TRIM60: variants seen among roughly 807,000 people sequenced by gnomAD.
TRIM60 encodes tripartite motif containing 60.
For synonymous variants in TRIM60, 189 were observed against 195.2 expected (o/e 0.97, Z 0.27); for missense variants, 524 against 540.8 (o/e 0.97, Z 0.31).
At position 165,041,525 on chromosome 4, in the gene TRIM60, TA is replaced by T. The variant is rs751866324; in HGVS notation, c.*39del. ...ATGGGTCTGTTTCAGTTTTTGTAGG[TA>T]ACTTAGCCAGTAAATTTAATCTCAT... On this transcript the variant is annotated 3_prime_UTR_variant, in exon 3 of 3. Coordinates refer to ENST00000512596, the MANE Select transcript of TRIM60 (RefSeq NM_152620.3). 13 of 1,373,930 alleles carry T rather than the reference TA, an allele frequency of 9.5e-6. No homozygotes were observed. The highest frequency in any genetic ancestry group is 1.3e-5 in the Non-Finnish European group (13 of 1,017,998). 85.1% of individuals were successfully genotyped at this position (1,373,930 alleles called of 1,614,324 possible). A position where few individuals can be genotyped will look rare whatever the true frequency, so the allele number is the denominator to read the frequency against.
chr4:165,036,886 A>G (rs551708130), intron 1 of TRIM60, among the ~76,000 whole-genome samples: 1 of 139,988 alleles, frequency 7.1e-6, no homozygotes, highest in African/African-American at 3.2e-5. Flanking sequence ...TGTCTCAAAA[A>G]AAAAAAAAAA....
rs771013356 is a variant in TRIM60, at chr4:165,040,993, ACTT to A, written c.925_927del (p.Leu309del). The stretch of plus-strand genomic sequence containing the variant: ...TAGATCTCAACACAGCACATCCTCA[ACTT>A]CTTGTCTCTGAGGATAGAAAAGCTG... On this transcript the variant is annotated inframe_deletion, in exon 3 of 3. Coordinates refer to ENST00000512596, the MANE Select transcript of TRIM60 (RefSeq NM_152620.3). 4 of 1,613,952 alleles carry A rather than the reference ACTT, an allele frequency of 2.5e-6. No homozygotes were observed. The African/African-American group carries it at 5.3e-5, about 22-fold the overall frequency.
chr4:165,038,687 CA>C (rs1467394248), intron 1 of TRIM60, among the ~76,000 whole-genome samples: 1 of 148,444 alleles, frequency 6.7e-6, no homozygotes, highest in Non-Finnish European at 1.5e-5. Context: ...GCACTGTTGT[CA>C]TTTGTGCTGT....
chr4:165,036,914 G>A (rs1733635344), intron 1 of TRIM60, among the ~76,000 whole-genome samples: 1 of 147,654 alleles, frequency 6.8e-6, no homozygotes, highest in South Asian at 2.1e-4. Context: ...GAAAAAAAAA[G>A]ACTGGGCACA....
chr4:165,036,890 A>G (rs1173370571), intron 1 of TRIM60, among the ~76,000 whole-genome samples: 1 of 140,246 alleles, frequency 7.1e-6, no homozygotes, highest in Non-Finnish European at 1.5e-5. Flanking sequence ...TCAAAAAAAA[A>G]AAAAAAGAAA....
At chr4:165,040,008 C>T (rs1733714655) in intron 2 of TRIM60, 61 bp from the exon 3 acceptor site, 2 of 1,383,040 alleles carry the variant, frequency 1.4e-6, no homozygotes, top group Non-Finnish European at 2.0e-6. Flanking sequence ...ACTGGGTTTG[C>T]GCTCTACGGA....
intron 1 of TRIM60, among the ~76,000 whole-genome samples, chr4:165,034,505 C>A (rs1476453128): frequency 6.6e-6 from 1 of 152,138 alleles, no homozygotes; most frequent in Non-Finnish European, 1.5e-5. Context: ...TTAAAAAATT[C>A]CAGTCATATT....
At position 165,041,592 on chromosome 4, in the gene TRIM60, AT is replaced by A; in HGVS notation, c.*109del. ...GTTTTACCACTGAAAACCAGAGTCG[AT>A]TTTTCTCCTAAATTTTTGGCAACTA... is the stretch of plus-strand genomic sequence containing the variant. On this transcript the variant is annotated 3_prime_UTR_variant, in exon 3 of 3. Coordinates refer to ENST00000512596, the MANE Select transcript of TRIM60 (RefSeq NM_152620.3). The A allele has an allele frequency of 1.3e-6, 1 of 783,504 alleles. No individual in the cohort carries two copies. Among genetic ancestry groups the A allele is most frequent in the East Asian group, 2.8e-5 (1 of 35,476 alleles). 48.5% of individuals were successfully genotyped at this position (783,504 alleles called of 1,614,324 possible). A position where few individuals can be genotyped will look rare whatever the true frequency, so the allele number is the denominator to read the frequency against.
intron 1 of TRIM60, among the ~76,000 whole-genome samples, chr4:165,035,385 T>C (rs1268522321): frequency 6.6e-6 from 1 of 152,028 alleles, no homozygotes; most frequent in South Asian, 2.1e-4. Context: ...TTTATTATAG[T>C]GAAAGGATAC....
Position 165,040,620 on chromosome 4 carries a change from T to G in TRIM60, c.548T>G (p.Ile183Arg). Residue 183 changes from isoleucine to arginine, a missense_variant, in exon 3 of 3, where the codon ATA becomes AGA. Transcript: ENST00000512596. ...AAGGTAGAATATAAGAGGGAAGAAA[T>G]AAATTCTGAGTTTGAGCAAATAAGA... ...KKKVEYKREE[I>R]NSEFEQIRLF... 1 of 1,614,028 alleles carries G rather than the reference T, an allele frequency of 6.2e-7. No individual in the cohort carries two copies. The highest frequency in any genetic ancestry group is 8.5e-7 in the Non-Finnish European group (1 of 1,179,990).
intron 1 of TRIM60, among the ~76,000 whole-genome samples, chr4:165,035,223 C>G (rs748319639): frequency 6.6e-6 from 1 of 152,156 alleles, no homozygotes; most frequent in Non-Finnish European, 1.5e-5. Context: ...GCCACCATGC[C>G]TGGCTGATTT....
intron 1 of TRIM60, among the ~76,000 whole-genome samples, chr4:165,035,101 G>C (rs1733591682): frequency 6.6e-6 from 1 of 152,146 alleles, no homozygotes; most frequent in Admixed American, 6.6e-5. Context: ...ATCTCTCTCT[G>C]TCACCCAGAC....
At chr4:165,036,655 C>A (rs1220666943) in intron 1 of TRIM60, among the ~76,000 whole-genome samples, 5 of 152,038 alleles carry the variant, frequency 3.3e-5, no homozygotes, top group Non-Finnish European at 7.4e-5. Context: ...CTGAGGCAGG[C>A]AGAGCACTTG....
At chr4:165,037,910 T>C (rs1375479961) in intron 1 of TRIM60, among the ~76,000 whole-genome samples, 2 of 152,208 alleles carry the variant, frequency 1.3e-5, no homozygotes, top group African/African-American at 2.4e-5. Context: ...TCTTTACTGA[T>C]TTTCTACTAC....
chr4:165,032,455 G>T (rs979930744), intron 1 of TRIM60, among the ~76,000 whole-genome samples: 3 of 152,162 alleles, frequency 2.0e-5, no homozygotes, highest in Admixed American at 2.0e-4. Context: ...CTCCATGTTG[G>T]CCAGGCTGGT....
chr4:165,032,737 A>G (rs761949671), intron 1 of TRIM60, among the ~76,000 whole-genome samples: 14 of 152,188 alleles, frequency 9.2e-5, no homozygotes, highest in Non-Finnish European at 1.5e-4. Context: ...CCGTCCTCAC[A>G]AGGATCTGGC....
rs547744649 is a variant in TRIM60 at position 165,035,271 on chromosome 4, C to T, written c.-57+3159C>T. On this transcript the variant is annotated intron_variant, in intron 1 of 2. Transcript: ENST00000512596. ...GTAGAGATGAGGTCTTGCTCTGTTGCCCAGACTGGTCTTGAGTGTCTGGCC... is the reference window on the plus strand; with the variant it reads ...GTAGAGATGAGGTCTTGCTCTGTTGTCCAGACTGGTCTTGAGTGTCTGGCC... Among the ~76,000 whole-genome samples, 6 of 152,238 alleles carry T rather than the reference C, an allele frequency of 3.9e-5. No homozygotes were observed. In the South Asian group the frequency reaches 8.3e-4, roughly 21 times the overall value.
In TRIM60 at chr4:165,040,333, G is replaced by A. The variant is rs765485821; in HGVS notation, c.261G>A (p.Lys87=). 46 of 1,614,106 alleles carry A rather than the reference G, an allele frequency of 2.8e-5. No individual in the cohort carries two copies. Among genetic ancestry groups the A allele is most frequent in the Non-Finnish European group, 1.5e-5 (18 of 1,180,052 alleles). ...IAKQLQIRRS[K]RKRQKENAMC... ...AACAACTCCAGATTAGGAGGAGCAA[G>A]AGAAAGAGGCAGAAAGAGAATGCCA... is the stretch of plus-strand genomic sequence containing the variant. Residue 87 remains lysine (K), a synonymous_variant, in exon 3 of 3, where the codon AAG becomes AAA. Coordinates refer to ENST00000512596, the MANE Select transcript of TRIM60 (RefSeq NM_152620.3).
At chr4:165,037,476 A>T (rs931937266) in intron 1 of TRIM60, among the ~76,000 whole-genome samples, 2 of 151,658 alleles carry the variant, frequency 1.3e-5, no homozygotes, top group African/African-American at 4.9e-5. Context: ...GGCATGTGCC[A>T]CCATGCCCAG....
Sources: gnomAD v4.1 joint callset for allele counts (sites outside exome capture counted in the v4.1 genomes callset) on GRCh38, gnomAD v4.1.1 for gene constraint, MANE v1.5 for transcripts, NCBI Gene and HGNC (gene_info 2026-07-23, HGNC 2026-07-21) for gene names.